ANO4: variants seen among roughly 807,000 people sequenced by gnomAD.
ANO4 encodes anoctamin-4.
A neutral mutation model predicts 141.9 loss-of-function variants in ANO4; 69 were observed. The ratio of observed to expected loss-of-function variants is 0.49; its 90% CI spans 0.40 to 0.59. ANO4 has a LOEUF of 0.59. Ranked by LOEUF, ANO4 falls within the 20% of genes least tolerant of loss-of-function variation. The pLI, the probability that ANO4 is intolerant of heterozygous loss-of-function variation, is 0.00. For synonymous variants in ANO4, 350 were observed against 394.3 expected, an observed-to-expected ratio of 0.89 and a Z score of 1.33; for missense variants, 894 against 1,162.2, an observed-to-expected ratio of 0.77 and a Z score of 3.36.
chr12:101,056,115 A>G (rs750698066), intron 14 of ANO4, among the ~76,000 whole-genome samples: 7 of 152,114 alleles, frequency 4.6e-5, no homozygotes, highest in Non-Finnish European at 8.8e-5. Flanking sequence ...TTGCTGTTTT[A>G]GGTTCTTTGC....
At chr12:101,009,263 A>G (rs145735154) in intron 8 of ANO4, among the ~76,000 whole-genome samples, 21 of 152,276 alleles carry the variant, frequency 1.4e-4, no homozygotes, top group African/African-American at 4.8e-4. Context: ...GATCATGTGA[A>G]GACATATAGA....
chr12:100,985,546 G>A (rs1486891917), intron 7 of ANO4, among the ~76,000 whole-genome samples: 1 of 152,180 alleles, frequency 6.6e-6, no homozygotes, highest in Non-Finnish European at 1.5e-5. Context: ...GCCAGGATTT[G>A]AATCTAGGCA....
intron 2 of ANO4, among the ~76,000 whole-genome samples, chr12:100,909,991 TAATTCAAATATTTGA>T (rs2041028349): frequency 6.6e-6 from 1 of 152,218 alleles, no homozygotes; most frequent in Admixed American, 6.5e-5. Flanking sequence ...TGAATATTCC[TAATTCAAATATTTGA>T]AATTCAAATA....
chr12:100,910,345 T>C (rs1565998777), intron 2 of ANO4, among the ~76,000 whole-genome samples: 1 of 152,200 alleles, frequency 6.6e-6, no homozygotes, highest in Non-Finnish European at 1.5e-5. Context: ...AGTTAACTTG[T>C]GCTAGAATAC....
chr12:100,858,632 T>G (rs1417083782), intron 1 of ANO4, among the ~76,000 whole-genome samples: 1 of 152,204 alleles, frequency 6.6e-6, no homozygotes, highest in East Asian at 1.9e-4. Context: ...TTTCTTTGCC[T>G]GGTTCTCCAC....
chr12:100,992,611 A>T (rs1017453939), intron 8 of ANO4, among the ~76,000 whole-genome samples: 1 of 152,118 alleles, frequency 6.6e-6, no homozygotes, highest in Non-Finnish European at 1.5e-5. Flanking sequence ...CCTAGATAAC[A>T]TTTTTTTAAC....
rs767722041 is a variant in ANO4, at chr12:100,901,812, TA to T, written c.29del (p.Asn10MetfsTer56). The T allele has an allele frequency of 6.2e-7, 1 of 1,611,258 alleles. No individual in the cohort carries two copies. The highest frequency in any genetic ancestry group is 8.5e-7 in the Non-Finnish European group (1 of 1,179,128). On this transcript the variant is annotated frameshift_variant, in exon 2 of 28. Coordinates refer to ENST00000392977, the MANE Select transcript of ANO4 (RefSeq NM_001286615.2). LOFTEE classifies it high-confidence loss of function. MEASSSGIT[N>X]GKTKVFHPEG... Reference sequence around the variant, plus strand: ...TGGAGGCAAGCTCTTCTGGAATCACTAATGGAAAAACCAAAGTCTTCCACCC... The same window carrying T: ...TGGAGGCAAGCTCTTCTGGAATCACTATGGAAAAACCAAAGTCTTCCACCC...
chr12:101,101,470 T>A (rs2050183479), intron 22 of ANO4, among the ~76,000 whole-genome samples: 1 of 152,004 alleles, frequency 6.6e-6, no homozygotes, highest in Non-Finnish European at 1.5e-5. Context: ...TCATGTGGGT[T>A]TTTCTGTTTG....
intron 22 of ANO4, among the ~76,000 whole-genome samples, chr12:101,100,546 A>AT (rs2050150695): frequency 6.6e-6 from 1 of 152,222 alleles, no homozygotes; most frequent in Admixed American, 6.5e-5. Flanking sequence ...AAAACTTAAT[A>AT]AAGAGAATTC....
chr12:101,012,200 C>T (rs1301685185), intron 8 of ANO4, among the ~76,000 whole-genome samples: 2 of 152,112 alleles, frequency 1.3e-5, no homozygotes, highest in African/African-American at 2.4e-5. Context: ...TAGAGTAGAG[C>T]ATGAGACAGA....
chr12:101,007,369 T>A (rs558763), intron 8 of ANO4, among the ~76,000 whole-genome samples: 23,944 of 151,934 alleles, frequency 0.16, 2,180 homozygotes, highest in East Asian at 0.24. Flanking sequence ...TAAATGAAAA[T>A]TTTTAAGTGA....
chr12:101,098,465 C>T (rs2050069376), intron 21 of ANO4, among the ~76,000 whole-genome samples: 1 of 152,176 alleles, frequency 6.6e-6, no homozygotes, highest in South Asian at 2.1e-4. Flanking sequence ...TAATTCCACA[C>T]CTATTGGTTT....
At chr12:100,933,942 G>A (rs961174720) in intron 3 of ANO4, among the ~76,000 whole-genome samples, 1 of 152,016 alleles carries the variant, frequency 6.6e-6, no homozygotes, top group African/African-American at 2.4e-5. Context: ...ACTTTTTGAT[G>A]GGGTTGTTTT....
chr12:100,744,117 C>T (rs1448172301), intron 3 of ANO4, among the ~76,000 whole-genome samples: 1 of 152,152 alleles, frequency 6.6e-6, no homozygotes, highest in African/African-American at 2.4e-5. Context: ...ACAAGTTTTA[C>T]ATGTGTATTT....
At chr12:100,976,884 T>G (rs1447689059) in intron 7 of ANO4, among the ~76,000 whole-genome samples, 1 of 152,192 alleles carries the variant, frequency 6.6e-6, no homozygotes, top group Non-Finnish European at 1.5e-5. Flanking sequence ...TTCTAGATTC[T>G]AAAAAGAATG....
chr12:100,739,735 C>A, intron 2 of ANO4: 1 of 639,898 alleles, frequency 1.6e-6, no homozygotes, highest in Non-Finnish European at 2.9e-6. Flanking sequence ...TATGAACATG[C>A]ATTCTTAGCT....
At chr12:100,832,328 T>A (rs10732665) in intron 1 of ANO4, among the ~76,000 whole-genome samples, 120,602 of 152,094 alleles carry the variant, frequency 0.79, 47,985 homozygotes, top group Admixed American at 0.86. Flanking sequence ...TGTAAAACCC[T>A]TGACTAAAAC....
At chr12:101,054,777 G>A (rs527434582) in intron 14 of ANO4, among the ~76,000 whole-genome samples, 4 of 151,830 alleles carry the variant, frequency 2.6e-5, no homozygotes, top group Admixed American at 1.3e-4. Flanking sequence ...GGGAGCCACC[G>A]TGCCCGGCCT....
chr12:101,064,616 G>T (rs1029689341), intron 14 of ANO4, among the ~76,000 whole-genome samples: 5 of 151,252 alleles, frequency 3.3e-5, no homozygotes, highest in Non-Finnish European at 7.4e-5. Context: ...GTATACCTGT[G>T]TAACAAACCT....
Sources: gnomAD v4.1 joint callset for allele counts (sites outside exome capture counted in the v4.1 genomes callset) on GRCh38, gnomAD v4.1.1 for gene constraint, MANE v1.5 for transcripts, NCBI Gene and HGNC (gene_info 2026-07-23, HGNC 2026-07-21) for gene names.